SOCS4: variants seen among roughly 807,000 people sequenced by gnomAD.
SOCS4 encodes suppressor of cytokine signaling 4, also known as SH2 domain containing SOCS box protein.
A neutral mutation model predicts 34.1 loss-of-function variants in SOCS4; 20 were observed. The ratio of observed to expected loss-of-function variants is 0.59; its 90% CI spans 0.41 to 0.85. SOCS4 has a LOEUF of 0.85. SOCS4 is among the 40% of genes least tolerant of loss of function. The probability of loss-of-function intolerance (pLI) is 0.00; values close to 1 mark genes in which losing one functional copy is unlikely to be tolerated. For missense variants in SOCS4, 479 were observed against 532.4 expected (o/e 0.90, Z 0.99); for synonymous variants, 180 against 186.4 (o/e 0.97, Z 0.28).
chr14:55,038,411 T>C (rs190607445), intron 2 of SOCS4, among the ~76,000 whole-genome samples: 9 of 152,300 alleles, frequency 5.9e-5, no homozygotes, highest in African/African-American at 1.4e-4. Flanking sequence ...CTTCACTGTA[T>C]GCTTGGGTGG....
Position 55,043,490 on chromosome 14 carries a change from A to G in SOCS4, c.449A>G (p.His150Arg). The G allele has an allele frequency of 6.2e-7, 1 of 1,614,184 alleles. No individual in the cohort carries two copies. Among genetic ancestry groups the G allele is most frequent in the Non-Finnish European group, 8.5e-7 (1 of 1,180,044 alleles). The change falls in exon 3 of 3, where the codon CAC (histidine) becomes CGC (arginine). Residue 150 changes from histidine to arginine, a missense_variant. Physicochemically the swap from His to Arg is conservative, Grantham distance 29. Transcript: ENST00000555846. ...LAFRWHFIKR[H>R]TAPINSKSDE... ...TTTAGGTGGCATTTTATTAAACGACACACTGCTCCTATAAATTCCAAATCA... is the reference window on the plus strand; with the variant it reads ...TTTAGGTGGCATTTTATTAAACGACGCACTGCTCCTATAAATTCCAAATCA...
Position 55,049,361 on chromosome 14 carries a change from A to T in SOCS4, c.*4997A>T, listed in dbSNP as rs2042705273. On this transcript the variant is annotated 3_prime_UTR_variant, in exon 3 of 3. Transcript: ENST00000555846. ...TATGATCTATTCCTTACCACAAAAG[A>T]AGTAGACAATTGCCACTTTTATTTC... 1 of 167,096 alleles carries T rather than the reference A, an allele frequency of 6.0e-6. No individual in the cohort carries two copies. The highest frequency in any genetic ancestry group is 2.1e-4 in the South Asian group (1 of 4,834). The allele number at this position is 167,096 out of a possible 1,614,324, so 10.4% of individuals were successfully genotyped here. A position where few individuals can be genotyped will look rare whatever the true frequency, so the allele number is the denominator to read the frequency against.
At position 55,031,877 on chromosome 14, in the gene SOCS4, T is replaced by C. The variant is rs1361059868; in HGVS notation, c.-205T>C. Reference sequence around the variant, plus strand: ...AACATTCCAAGGAGTTCATCTGTTGTCTGCTCTCCAGTGACTTCCGTTTGT... The same window carrying C: ...AACATTCCAAGGAGTTCATCTGTTGCCTGCTCTCCAGTGACTTCCGTTTGT... On this transcript the variant is annotated 5_prime_UTR_variant, in exon 2 of 3. Transcript: ENST00000555846. 8 of 152,232 alleles carry C rather than the reference T, an allele frequency of 5.3e-5. No individual in the cohort carries two copies. Among genetic ancestry groups the C allele is most frequent in the Admixed American group, 5.2e-4 (8 of 15,286 alleles). The allele number at this position is 152,232 out of a possible 1,614,324, so 9.4% of individuals were successfully genotyped here.
intron 2 of SOCS4, 25 bp from the exon 3 acceptor site, chr14:55,042,927 A>T: frequency 1.1e-6 from 1 of 909,284 alleles, no homozygotes; most frequent in African/African-American, 1.7e-5. Flanking sequence ...ACAAATGGTT[A>T]ATGACTTTTT....
intron 1 of SOCS4, among the ~76,000 whole-genome samples, chr14:55,028,174 C>G (rs187899728): frequency 3.3e-5 from 5 of 152,064 alleles, no homozygotes; most frequent in Admixed American, 2.0e-4. Context: ...CAATCTAGTT[C>G]CATTGTGAAA....
At chr14:55,028,751 A>C (rs924022103) in intron 1 of SOCS4, among the ~76,000 whole-genome samples, 4 of 152,310 alleles carry the variant, frequency 2.6e-5, no homozygotes, top group African/African-American at 9.6e-5. Flanking sequence ...TTTTCTTTGC[A>C]GATTTTGCAT....
Position 55,048,721 on chromosome 14 carries a change from T to C in SOCS4, c.*4357T>C, listed in dbSNP as rs2042699226. 1 of 167,078 alleles carries C rather than the reference T, an allele frequency of 6.0e-6. No individual in the cohort carries two copies. The highest frequency in any genetic ancestry group is 6.5e-5 in the Admixed American group (1 of 15,276). 10.3% of individuals were successfully genotyped at this position (167,078 alleles called of 1,614,324 possible). ...GATTTTCAAATAAAACCAAAGTCTATTTTTTTATTTACTTTCTAATTTTGA... is the reference window on the plus strand; with the variant it reads ...GATTTTCAAATAAAACCAAAGTCTACTTTTTTATTTACTTTCTAATTTTGA... On this transcript the variant is annotated 3_prime_UTR_variant, in exon 3 of 3. Transcript: ENST00000555846.
intron 1 of SOCS4, chr14:55,027,850 C>T (rs182954344): frequency 6.6e-6 from 1 of 152,322 alleles, no homozygotes; most frequent in East Asian, 1.9e-4. Flanking sequence ...ATTCAGATCC[C>T]ACCTAAAGTT....
intron 2 of SOCS4, among the ~76,000 whole-genome samples, chr14:55,041,595 C>T (rs908208092): frequency 6.6e-5 from 10 of 151,448 alleles, no homozygotes; most frequent in Admixed American, 5.3e-4. Context: ...TCTCCTCAGC[C>T]TCCCTAGTAG....
intron 2 of SOCS4, among the ~76,000 whole-genome samples, chr14:55,037,776 G>C (rs1344818970): frequency 6.6e-6 from 1 of 152,216 alleles, no homozygotes; most frequent in African/African-American, 2.4e-5. Context: ...TTACAGGCAT[G>C]AGCCACTGTG....
At chr14:55,034,185 G>T (rs1287008638) in intron 2 of SOCS4, among the ~76,000 whole-genome samples, 3 of 152,078 alleles carry the variant, frequency 2.0e-5, no homozygotes, top group Admixed American at 2.0e-4. Flanking sequence ...ATAAAGAAAT[G>T]GAGAGGGCTG....
chr14:55,042,518 T>C (rs1164597671), intron 2 of SOCS4, among the ~76,000 whole-genome samples: 2 of 152,200 alleles, frequency 1.3e-5, no homozygotes, highest in African/African-American at 4.8e-5. Flanking sequence ...AGGAACTATG[T>C]AGGGTAGTAG....
At chr14:55,039,676 G>A (rs183559854) in intron 2 of SOCS4, among the ~76,000 whole-genome samples, 156 of 152,292 alleles carry the variant, frequency 1.0e-3, no homozygotes, top group Middle Eastern at 6.8e-3. Context: ...GGCGGACCAC[G>A]AAGTCAGGAG....
intron 2 of SOCS4, among the ~76,000 whole-genome samples, chr14:55,037,150 T>A (rs1335140733): frequency 1.9e-5 from 1 of 53,614 alleles, no homozygotes; most frequent in Non-Finnish European, 3.9e-5. Flanking sequence ...GCAATCATAT[T>A]TTTTTTTTTT....
At chr14:55,029,500 A>G (rs970530453) in intron 1 of SOCS4, among the ~76,000 whole-genome samples, 5 of 152,174 alleles carry the variant, frequency 3.3e-5, no homozygotes, top group African/African-American at 7.2e-5. Flanking sequence ...CCCAAGGACA[A>G]TTGGGTGAGA....
chr14:55,048,418 T>C lies in SOCS4; in HGVS notation c.*4054T>C, dbSNP rs1222598984. ...AAATAGCCTGTGTAATGTTAGGTAA[T>C]GTAATGCCCAAGTGAATAAAAGATT... On this transcript the variant is annotated 3_prime_UTR_variant, in exon 3 of 3. Coordinates refer to ENST00000555846, the MANE Select transcript of SOCS4 (RefSeq NM_199421.2). The C allele has an allele frequency of 6.0e-6, 1 of 167,100 alleles. No homozygotes were observed. The highest frequency in any genetic ancestry group is 1.5e-5 in the Non-Finnish European group (1 of 68,126). 10.4% of individuals were successfully genotyped at this position (167,100 alleles called of 1,614,324 possible). A position where few individuals can be genotyped will look rare whatever the true frequency, so the allele number is the denominator to read the frequency against.
intron 1 of SOCS4, among the ~76,000 whole-genome samples, chr14:55,031,509 C>T (rs539772986): frequency 6.7e-6 from 1 of 149,630 alleles, no homozygotes; most frequent in African/African-American, 2.4e-5. Context: ...ACTTATTTGA[C>T]AAGAGAACCT....
intron 2 of SOCS4, among the ~76,000 whole-genome samples, chr14:55,042,082 C>T (rs930014772): frequency 6.6e-6 from 1 of 152,118 alleles, no homozygotes; most frequent in Non-Finnish European, 1.5e-5. Context: ...ACCACCTCCC[C>T]TGGCAACCCT....
In SOCS4 at chr14:55,047,766, CTTTTTA is replaced by C. The variant is rs1469865516; in HGVS notation, c.*3404_*3409del. ...TCCTATCGGTATACAAATTCCATTT[CTTTTTA>C]TAAGAAAAACACATAAACCATTATC... is the stretch of plus-strand genomic sequence containing the variant. On this transcript the variant is annotated 3_prime_UTR_variant, in exon 3 of 3. Transcript: ENST00000555846. The C allele has an allele frequency of 2.4e-5, 4 of 167,072 alleles. No individual in the cohort carries two copies. Among genetic ancestry groups the C allele is most frequent in the African/African-American group, 9.6e-5 (4 of 41,456 alleles). The allele number at this position is 167,072 out of a possible 1,614,324, so 10.3% of individuals were successfully genotyped here.
Sources: allele counts gnomAD v4.1 joint callset (sites outside exome capture counted in the v4.1 genomes callset), GRCh38; gene constraint gnomAD v4.1.1; transcripts MANE v1.5; gene names NCBI Gene and HGNC (gene_info 2026-07-23, HGNC 2026-07-21).